MED12L: variants seen among roughly 807,000 people sequenced by gnomAD.
MED12L encodes the protein mediator complex subunit 12L, also known as mediator of RNA polymerase II transcription subunit 12-like protein.
MED12L carries 60 observed loss-of-function variants against 281.3 expected under a neutral mutation model. The observed-to-expected ratio is 0.21, with a 90% CI of 0.17 to 0.26. The LOEUF (loss-of-function observed/expected upper bound fraction) is 0.26. Ranked by LOEUF, MED12L falls within the 10% of genes least tolerant of loss-of-function variation. MED12L has a pLI of 1.00. For missense variants in MED12L, 2,146 were observed against 2,680.9 expected, an observed-to-expected ratio of 0.80 and a Z score of 4.41; for synonymous variants, 974 against 987.2, an observed-to-expected ratio of 0.99 and a Z score of 0.25.
chr3:151,096,785 G>T (rs1181524920), intron 2 of MED12L, among the ~76,000 whole-genome samples: 3 of 152,222 alleles, frequency 2.0e-5, no homozygotes, highest in Non-Finnish European at 4.4e-5. Flanking sequence ...GCAGATCTGG[G>T]CCAAGCACTT....
chr3:151,269,807 A>C (rs147057315), intron 16 of MED12L: 6,321 of 422,354 alleles, frequency 0.015, 81 homozygotes, highest in Middle Eastern at 0.037. Context: ...AAATCTGGAA[A>C]GGATATAATG....
At chr3:151,214,257 G>T in intron 16 of MED12L, 1 of 1,613,940 alleles carries the variant, frequency 6.2e-7, no homozygotes, top group Non-Finnish European at 8.5e-7. Flanking sequence ...TCTGCTGAGT[G>T]ATCAGGAGGT....
intron 43 of MED12L, among the ~76,000 whole-genome samples, chr3:151,422,667 A>G (rs781616220): frequency 7.2e-5 from 11 of 152,108 alleles, no homozygotes; most frequent in Non-Finnish European, 1.0e-4. Context: ...TCACATTCTG[A>G]GGTACTGGGT....
intron 23 of MED12L, among the ~76,000 whole-genome samples, chr3:151,366,689 T>G (rs1159014510): frequency 2.0e-5 from 3 of 152,188 alleles, no homozygotes; most frequent in African/African-American, 7.2e-5. Flanking sequence ...GCCTCTCAGT[T>G]GAAGGTTGAC....
Position 151,102,548 on chromosome 3 carries a change from A to AC in MED12L, c.100-13789dup, listed in dbSNP as rs1466820367. The stretch of plus-strand genomic sequence containing the variant: ...CCAGAAGAAGGATGTTCTGCAGTGA[A>AC]CATGGTTCACTGCAACCTCTACCTT... On this transcript the variant is annotated intron_variant, in intron 2 of 44. Coordinates refer to ENST00000687756, the MANE Select transcript of MED12L (RefSeq NM_001393769.1). 3.9e-5 allele frequency among the ~76,000 whole-genome samples: 6 copies of AC among 152,214 alleles called. No homozygotes were observed. The East Asian group carries it at 5.8e-4, about 15-fold the overall frequency.
intron 16 of MED12L, among the ~76,000 whole-genome samples, chr3:151,288,603 C>T (rs538843297): frequency 1.3e-5 from 2 of 152,180 alleles, no homozygotes; most frequent in African/African-American, 2.4e-5. Context: ...AATAGTTCTG[C>T]CTAAGCATTT....
chr3:151,174,707 A>T (rs1271297396), intron 11 of MED12L, among the ~76,000 whole-genome samples: 1 of 152,114 alleles, frequency 6.6e-6, no homozygotes, highest in Non-Finnish European at 1.5e-5. Flanking sequence ...ATATTTTTTT[A>T]ATTTTTTTTA....
At chr3:151,259,165 C>G (rs902299434) in intron 16 of MED12L, among the ~76,000 whole-genome samples, 2 of 152,170 alleles carry the variant, frequency 1.3e-5, no homozygotes, top group Admixed American at 6.5e-5. Flanking sequence ...CATATTTCAA[C>G]TCTTTGTGTT....
At chr3:151,357,445 G>T in intron 20 of MED12L, 69 bp downstream of exon 20, 1 of 1,391,566 alleles carries the variant, frequency 7.2e-7, no homozygotes, top group South Asian at 1.6e-5. Context: ...AAATATTATA[G>T]TGGCTTTAAA....
In MED12L at chr3:151,372,553, A is replaced by T. The variant is rs1489999406; in HGVS notation, c.3665-14A>T. 1 of 1,609,304 alleles carries T rather than the reference A, an allele frequency of 6.2e-7. No individual in the cohort carries two copies. On this transcript the variant is annotated splice_polypyrimidine_tract_variant and intron_variant, in intron 26 of 44. Coordinates refer to ENST00000687756, the MANE Select transcript of MED12L (RefSeq NM_001393769.1). ...GAACTTCTGTGATTTTGCTTTTGTG[A>T]TTCTATTACTTAGGAGATGCCAAAA...
At chr3:151,199,201 C>G in intron 16 of MED12L, 1 of 1,614,112 alleles carries the variant, frequency 6.2e-7, no homozygotes, top group Middle Eastern at 1.6e-4. Context: ...CCAGAGTAAG[C>G]AGGAAATCGG....
rs764120754 is a variant in MED12L, at chr3:151,158,758, G to A, written c.796G>A (p.Asp266Asn). ...LDVLEKIRPM[D>N]DDLLKLLLPL... ...TGTTTTAGAAAAGATCAGACCAATG[G>A]ATGATGATCTTCTTAAACTCTTGCT... Residue 266 changes from aspartate (D) to asparagine (N), a missense_variant, in exon 7 of 45, where the codon GAT (aspartate) becomes AAT (asparagine). Transcript: ENST00000687756. 1.2e-6 allele frequency: 2 copies of A among 1,613,108 alleles called. No homozygotes were observed. Among genetic ancestry groups the A allele is most frequent in the South Asian group, 1.1e-5 (1 of 90,896 alleles).
chr3:151,204,056 C>CATTCAAA (rs2149170372), intron 16 of MED12L, among the ~76,000 whole-genome samples: 1 of 152,256 alleles, frequency 6.6e-6, no homozygotes, highest in South Asian at 2.1e-4. Flanking sequence ...TTGAAAGAAG[C>CATTCAAA]CTAGCATGCT....
rs74413024 is a variant in MED12L at position 151,280,781 on chromosome 3, C to T, written c.2251-69278C>T. Among the ~76,000 whole-genome samples the T allele has an allele frequency of 8.9e-3, 1,346 of 151,730 alleles. 22 individuals carry two copies. The highest frequency in any genetic ancestry group is 0.031 in the African/African-American group (1,292 of 41,310). ...TCTCAAATGCACATACTCGTACACT[C>T]GATTGAAGCGTACTCTGTGCCTACT... On this transcript the variant is annotated intron_variant, in intron 16 of 44. Coordinates refer to ENST00000687756, the MANE Select transcript of MED12L (RefSeq NM_001393769.1).
intron 11 of MED12L, among the ~76,000 whole-genome samples, chr3:151,181,650 A>T (rs1722715138): frequency 7.5e-6 from 1 of 133,472 alleles, no homozygotes; most frequent in Admixed American, 9.2e-5. Flanking sequence ...CAGAGGCATC[A>T]TCTTGGCTCA....
rs370095367 is a variant in MED12L, at chr3:151,141,178, G to GTTTTTTTTTTTTTTTTTTTTT, written c.556+13202_556+13203insTTTTTTTTTTTTTTTTTTTTT. On this transcript the variant is annotated intron_variant, in intron 5 of 44. Coordinates refer to ENST00000687756, the MANE Select transcript of MED12L (RefSeq NM_001393769.1). The stretch of plus-strand genomic sequence containing the variant: ...CACCGTGCCTGGCGTTTTTTTTTTT[G>GTTTTTTTTTTTTTTTTTTTTT]TTTTTTTTGTTTTTTTTTTTTTGTT... Among the ~76,000 whole-genome samples the GTTTTTTTTTTTTTTTTTTTTT allele has an allele frequency of 3.5e-4, 36 of 102,220 alleles. 1 individual carries two copies. The highest frequency in any genetic ancestry group is 1.2e-3 in the African/African-American group (27 of 23,404). 67.1% of individuals were successfully genotyped at this position (102,220 alleles called of 152,430 possible). A position where few individuals can be genotyped will look rare whatever the true frequency, so the allele number is the denominator to read the frequency against.
At chr3:151,344,212 G>A (rs2149980591) in intron 16 of MED12L, among the ~76,000 whole-genome samples, 1 of 151,902 alleles carries the variant, frequency 6.6e-6, no homozygotes, top group South Asian at 2.1e-4. Context: ...TATAAGCTGT[G>A]TAGAACAAAG....
chr3:151,277,443 T>C (rs1475339656), intron 16 of MED12L, among the ~76,000 whole-genome samples: 1 of 152,222 alleles, frequency 6.6e-6, no homozygotes, highest in African/African-American at 2.4e-5. Flanking sequence ...AAACTGATTA[T>C]CAAGTTTGTA....
chr3:151,193,737 A>T (rs2149108650), intron 16 of MED12L, 71 bp downstream of exon 16: 2 of 1,309,952 alleles, frequency 1.5e-6, no homozygotes, highest in Non-Finnish European at 2.1e-6. Flanking sequence ...TGAACGTCAG[A>T]TTATTCAACT....
Sources: gnomAD v4.1 joint callset for allele counts (sites outside exome capture counted in the v4.1 genomes callset) on GRCh38, gnomAD v4.1.1 for gene constraint, MANE v1.5 for transcripts, NCBI Gene and HGNC (gene_info 2026-07-23, HGNC 2026-07-21) for gene names.